The following DPP10 variants were observed in gnomAD, a reference collection of about 807,000 sequenced individuals.
DPP10 encodes the protein dipeptidyl peptidase like 10.
In DPP10, 33 loss-of-function variants were observed where a neutral mutation model predicts 120.9. The ratio of observed to expected loss-of-function variants is 0.27; its 90% CI spans 0.21 to 0.37. The LOEUF (loss-of-function observed/expected upper bound fraction) is 0.37, where lower values mean the gene tolerates loss of function less well. Among genes scored for constraint, DPP10 ranks in the 10% least tolerant of loss-of-function variants. DPP10 has a pLI of 1.00. For synonymous variants in DPP10, 337 were observed against 326.1 expected (o/e 1.03, Z -0.36); for missense variants, 816 against 942.8 (o/e 0.87, Z 1.76).
intron 1 of DPP10, among the ~76,000 whole-genome samples, chr2:115,007,966 T>G (rs1267599550): frequency 6.6e-6 from 1 of 152,164 alleles, no homozygotes; most frequent in Non-Finnish European, 1.5e-5. Flanking sequence ...TGCTGATGGA[T>G]AGGAAGAATC....
chr2:114,512,498 A>T (rs1242307449), intron 1 of DPP10, among the ~76,000 whole-genome samples: 1 of 152,204 alleles, frequency 6.6e-6, no homozygotes, highest in African/African-American at 2.4e-5. Flanking sequence ...GAGATGCACA[A>T]CTTGGAGGTC....
At chr2:114,622,289 A>G (rs969265806) in intron 1 of DPP10, among the ~76,000 whole-genome samples, 2 of 152,098 alleles carry the variant, frequency 1.3e-5, no homozygotes, top group African/African-American at 4.8e-5. Flanking sequence ...TAGTTTATAG[A>G]AAATATGGTT....
intron 1 of DPP10, among the ~76,000 whole-genome samples, chr2:114,767,491 A>G (rs1037278423): frequency 6.6e-6 from 1 of 152,046 alleles, no homozygotes; most frequent in Non-Finnish European, 1.5e-5. Flanking sequence ...AAGGATGCCC[A>G]TGATGTAGAC....
At chr2:115,102,768 A>G (rs1315857736) in intron 1 of DPP10, among the ~76,000 whole-genome samples, 1 of 151,352 alleles carries the variant, frequency 6.6e-6, no homozygotes, top group Non-Finnish European at 1.5e-5. Context: ...GTCATAAAGA[A>G]AAAAAAAACT....
chr2:115,580,455 A>G (rs935873270), intron 5 of DPP10, among the ~76,000 whole-genome samples: 2 of 151,944 alleles, frequency 1.3e-5, no homozygotes, highest in African/African-American at 4.8e-5. Flanking sequence ...GGCTTTTTGC[A>G]TTATCTTATT....
intron 1 of DPP10, among the ~76,000 whole-genome samples, chr2:114,564,850 T>A (rs1010391917): frequency 1.3e-4 from 20 of 152,182 alleles, no homozygotes; most frequent in Non-Finnish European, 1.9e-4. Context: ...TGTGGTGCAC[T>A]GTTTGTTTTG....
intron 1 of DPP10, among the ~76,000 whole-genome samples, chr2:115,053,486 C>T (rs376266813): frequency 1.6e-4 from 25 of 152,176 alleles, no homozygotes; most frequent in African/African-American, 5.1e-4. Flanking sequence ...TTGGTAGTGA[C>T]GGATTAATGG....
intron 1 of DPP10, among the ~76,000 whole-genome samples, chr2:114,953,443 G>T (rs1470183080): frequency 1.3e-5 from 2 of 152,094 alleles, no homozygotes; most frequent in African/African-American, 4.8e-5. Context: ...TGAGTCTGAG[G>T]ACTATGGAAT....
intron 18 of DPP10, 26 bp downstream of exon 18, chr2:115,791,205 T>G (rs748285584): frequency 2.5e-6 from 4 of 1,608,200 alleles, no homozygotes; most frequent in South Asian, 2.2e-5. Flanking sequence ...TGCTATGTTA[T>G]TCAAGAACAA....
intron 1 of DPP10, among the ~76,000 whole-genome samples, chr2:115,076,290 G>C (rs910842510): frequency 1.3e-5 from 2 of 151,640 alleles, no homozygotes; most frequent in African/African-American, 2.4e-5. Context: ...AAACACAATT[G>C]AGATCCTTTT....
intron 1 of DPP10, among the ~76,000 whole-genome samples, chr2:114,490,153 T>C (rs1368298237): frequency 6.6e-6 from 1 of 152,158 alleles, no homozygotes; most frequent in Non-Finnish European, 1.5e-5. Flanking sequence ...AATTTCTCAT[T>C]CTCTGGCTAT....
chr2:115,754,176 A>T (rs969187326), intron 11 of DPP10, among the ~76,000 whole-genome samples: 2 of 152,108 alleles, frequency 1.3e-5, no homozygotes, highest in Non-Finnish European at 2.9e-5. Context: ...CAAAGCAAAA[A>T]GATTTTTGTG....
At chr2:114,950,403 T>G (rs904620640) in intron 1 of DPP10, among the ~76,000 whole-genome samples, 13 of 150,346 alleles carry the variant, frequency 8.6e-5, no homozygotes, top group African/African-American at 3.2e-4. Flanking sequence ...CATGCCATTC[T>G]CCTGCCTCAG....
chr2:115,408,167 C>T (rs2068670431), intron 3 of DPP10, among the ~76,000 whole-genome samples: 1 of 152,042 alleles, frequency 6.6e-6, no homozygotes, highest in Admixed American at 6.6e-5. Context: ...ATAGGAGTAT[C>T]TGCTCTTACC....
intron 5 of DPP10, among the ~76,000 whole-genome samples, chr2:115,541,501 A>G (rs1313879874): frequency 6.6e-6 from 1 of 151,532 alleles, no homozygotes; most frequent in Non-Finnish European, 1.5e-5. Context: ...TGTGTGCGAG[A>G]GAGAGAGAGA....
intron 3 of DPP10, among the ~76,000 whole-genome samples, chr2:115,470,328 A>G (rs1310591754): frequency 3.9e-5 from 6 of 152,254 alleles, no homozygotes; most frequent in East Asian, 1.9e-4. Context: ...GGACAACCCA[A>G]CGTTTTAATG....
intron 1 of DPP10, among the ~76,000 whole-genome samples, chr2:114,505,522 A>G (rs947581399): frequency 6.6e-6 from 1 of 151,822 alleles, no homozygotes; most frequent in African/African-American, 2.4e-5. Flanking sequence ...CCCTTCCTGC[A>G]TCTGCTGTTC....
At chr2:115,465,485 G>A (rs967360244) in intron 3 of DPP10, among the ~76,000 whole-genome samples, 8 of 152,134 alleles carry the variant, frequency 5.3e-5, no homozygotes, top group African/African-American at 1.9e-4. Flanking sequence ...CCCAACTGTG[G>A]AAAATTAAGG....
chr2:115,293,181 G>A (rs1026271209), intron 1 of DPP10, among the ~76,000 whole-genome samples: 26 of 152,216 alleles, frequency 1.7e-4, no homozygotes, highest in African/African-American at 5.5e-4. Flanking sequence ...GGCAGGATGC[G>A]GGTCAGTGCG....
Sources: allele counts gnomAD v4.1 joint callset (sites outside exome capture counted in the v4.1 genomes callset), GRCh38; gene constraint gnomAD v4.1.1; transcripts MANE v1.5; gene names NCBI Gene and HGNC (gene_info 2026-07-23, HGNC 2026-07-21).